TGM2: variants seen among roughly 807,000 people sequenced by gnomAD.
The protein encoded by TGM2 is protein-glutamine gamma-glutamyltransferase 2.
Under a neutral mutation model 75.6 loss-of-function variants are expected in TGM2, and 53 were observed. The ratio of observed to expected loss-of-function variants is 0.70; its 90% CI spans 0.56 to 0.88. The LOEUF (loss-of-function observed/expected upper bound fraction) is 0.88. Ranked by LOEUF, TGM2 falls within the 40% of genes least tolerant of loss-of-function variation. TGM2 has a pLI of 0.00. For missense variants in TGM2, 842 were observed against 928.5 expected (o/e 0.91, Z 1.21); for synonymous variants, 374 against 381.1 (o/e 0.98, Z 0.22).
intron 6 of TGM2, among the ~76,000 whole-genome samples, chr20:38,143,959 C>T (rs957385597): frequency 6.6e-6 from 1 of 152,166 alleles, no homozygotes; most frequent in African/African-American, 2.4e-5. Context: ...TATGACCTCC[C>T]CCTCTTGCCT....
intron 9 of TGM2, 63 bp from the exon 10 acceptor site, chr20:38,138,448 A>G (rs2074928649): frequency 6.2e-7 from 1 of 1,609,974 alleles, no homozygotes; most frequent in Admixed American, 1.7e-5. Flanking sequence ...GGGGGCTGCA[A>G]CAGGGCGAGC....
Position 38,131,171 on chromosome 20 carries a change from G to A in TGM2, c.1835C>T (p.Pro612Leu), listed in dbSNP as rs376514575. ...KLVAEVSLQNPLPVALEGCTF... is the reference protein window; with the variant it reads ...KLVAEVSLQNLLPVALEGCTF... ...GCAGCCTTCCAGGGCCACAGGGAGCGGGTTCTGCAGGGACACCTCAGCCAC... is the reference window on the plus strand; with the variant it reads ...GCAGCCTTCCAGGGCCACAGGGAGCAGGTTCTGCAGGGACACCTCAGCCAC... The change falls in exon 12 of 13, where the codon CCG (proline) becomes CTG (leucine). Residue 612 changes from proline to leucine, a missense_variant. Physicochemically the swap from Pro to Leu is moderately conservative, Grantham distance 98. Transcript: ENST00000361475. 10 of 1,613,724 alleles carry A rather than the reference G, an allele frequency of 6.2e-6. No homozygotes were observed. Among genetic ancestry groups the A allele is most frequent in the African/African-American group, 2.7e-5 (2 of 74,874 alleles).
chr20:38,151,143 C>G, intron 3 of TGM2, 86 bp from the exon 4 acceptor site: 1 of 949,546 alleles, frequency 1.1e-6, no homozygotes, highest in Non-Finnish European at 1.7e-6. Flanking sequence ...TGCCAATTCC[C>G]TAGGCCAAGC....
chr20:38,159,939 C>G (rs1423447130), intron 2 of TGM2, among the ~76,000 whole-genome samples: 1 of 152,210 alleles, frequency 6.6e-6, no homozygotes, highest in East Asian at 1.9e-4. Flanking sequence ...TGCCATGTAC[C>G]CTAACTTTTC....
chr20:38,132,737 A>G, intron 10 of TGM2: 1 of 639,482 alleles, frequency 1.6e-6, no homozygotes. Context: ...CCTTGGTTCT[A>G]ATCCTGCCTT....
Position 38,139,056 on chromosome 20 carries a change from C to T in TGM2, c.1342+356G>A, listed in dbSNP as rs541620715. 2.0e-5 allele frequency among the ~76,000 whole-genome samples: 3 copies of T among 152,264 alleles called. No individual in the cohort carries two copies. In the East Asian group the frequency reaches 5.8e-4, roughly 29 times the overall value. ...AGGCAGGAACTATGGTTTCTTAGTC[C>T]CCTCTGTATGCTTTGCTATGCTTAG... On this transcript the variant is annotated intron_variant, in intron 9 of 12. Coordinates refer to ENST00000361475, the MANE Select transcript of TGM2 (RefSeq NM_004613.4).
chr20:38,150,866 G>A (rs970078401), intron 4 of TGM2, 73 bp downstream of exon 4: 6 of 1,168,234 alleles, frequency 5.1e-6, no homozygotes, highest in Non-Finnish European at 7.8e-6. Context: ...TGCAGCTTTG[G>A]CTGCCCCCAG....
intron 3 of TGM2, among the ~76,000 whole-genome samples, chr20:38,152,882 CCA>C (rs1471582160): frequency 2.0e-5 from 3 of 152,252 alleles, no homozygotes; most frequent in African/African-American, 7.2e-5. Flanking sequence ...AGGAAGGGGG[CCA>C]TCCCCCAGAA....
chr20:38,130,258 A>G lies in TGM2; in HGVS notation c.2025T>C (p.Ala675=). 1.2e-6 allele frequency: 2 copies of G among 1,613,436 alleles called. No individual in the cohort carries two copies. The highest frequency in any genetic ancestry group is 1.7e-6 in the Non-Finnish European group (2 of 1,179,896). ...TGATGACATTCCGGAAGCCCTTCAC[A>G]GCCTTCAGCTTGTCGCTCTCGAAGT... is the stretch of plus-strand genomic sequence containing the variant. ...VVNFESDKLK[A]VKGFRNVIIG... The change falls in exon 13 of 13, where the codon GCT becomes GCC. Residue 675 remains alanine (A), a synonymous_variant. Coordinates refer to ENST00000361475, the MANE Select transcript of TGM2 (RefSeq NM_004613.4).
intron 10 of TGM2, among the ~76,000 whole-genome samples, chr20:38,135,692 G>T (rs555445905): frequency 2.0e-5 from 3 of 152,146 alleles, no homozygotes; most frequent in South Asian, 4.2e-4. Context: ...CTACACCACC[G>T]AGGTGTCAGG....
chr20:38,132,636 G>C (rs1255533561), intron 10 of TGM2, 136 bp from the exon 11 acceptor site: 2 of 1,212,258 alleles, frequency 1.6e-6, no homozygotes, highest in Middle Eastern at 1.9e-4. Flanking sequence ...GCGGATCCCT[G>C]AACTCCCCAC....
At chr20:38,140,232 C>T (rs45499097) in intron 8 of TGM2, among the ~76,000 whole-genome samples, 15,075 of 152,320 alleles carry the variant, frequency 0.099, 2,387 homozygotes, top group African/African-American at 0.33. Context: ...CCACACTGTC[C>T]GCAGACTTCC....
At chr20:38,157,023 G>A (rs1311830848) in intron 2 of TGM2, among the ~76,000 whole-genome samples, 1 of 152,250 alleles carries the variant, frequency 6.6e-6, no homozygotes, top group Non-Finnish European at 1.5e-5. Flanking sequence ...AGGCAGGTCT[G>A]AGTCATGGGC....
chr20:38,152,495 A>T (rs2075126087), intron 3 of TGM2, among the ~76,000 whole-genome samples: 1 of 152,222 alleles, frequency 6.6e-6, no homozygotes, highest in Non-Finnish European at 1.5e-5. Context: ...CAGTGTTTCA[A>T]CATTAGAATG....
Position 38,147,952 on chromosome 20 carries a change from C to T in TGM2, c.681+9G>A. ...CCCCGCCCCTGGATGGGCCATGCCACTCACTCACCATGCCACTCACCACCC... is the reference window on the plus strand; with the variant it reads ...CCCCGCCCCTGGATGGGCCATGCCATTCACTCACCATGCCACTCACCACCC... On this transcript the variant is annotated intron_variant, in intron 5 of 12. Transcript: ENST00000361475. The T allele has an allele frequency of 1.2e-6, 2 of 1,608,218 alleles. No homozygotes were observed. Among genetic ancestry groups the T allele is most frequent in the Non-Finnish European group, 1.7e-6 (2 of 1,178,136 alleles).
chr20:38,147,939 A>G, intron 5 of TGM2, 22 bp downstream of exon 5: 1 of 1,603,780 alleles, frequency 6.2e-7, no homozygotes. Flanking sequence ...CCGCCCCTGG[A>G]TGGGCCATGC....
chr20:38,137,615 A>G (rs1387594413), intron 10 of TGM2, among the ~76,000 whole-genome samples: 2 of 152,168 alleles, frequency 1.3e-5, no homozygotes, highest in African/African-American at 4.8e-5. Context: ...TGCAACAGGC[A>G]CTTTCCAAGG....
Position 38,130,103 on chromosome 20 carries a change from G to T in TGM2, c.*116C>A. 7.0e-7 allele frequency: 1 copy of T among 1,436,610 alleles called. No individual in the cohort carries two copies. 89.0% of individuals were successfully genotyped at this position (1,436,610 alleles called of 1,614,324 possible). A position where few individuals can be genotyped will look rare whatever the true frequency, so the allele number is the denominator to read the frequency against. Reference sequence around the variant, plus strand: ...ATTCCATTTCCGAGAGCCCCCATAGGCTGCCCACCCTGCCCTGGGGTCTGG... The same window carrying T: ...ATTCCATTTCCGAGAGCCCCCATAGTCTGCCCACCCTGCCCTGGGGTCTGG... On this transcript the variant is annotated 3_prime_UTR_variant, in exon 13 of 13. Transcript: ENST00000361475.
chr20:38,165,591 C>G (rs2075303444), upstream of TGM2, among the ~76,000 whole-genome samples: 1 of 151,934 alleles, frequency 6.6e-6, no homozygotes, highest in Admixed American at 6.6e-5. Context: ...TAGAAACACA[C>G]AACGGAACCG....
Sources: allele counts gnomAD v4.1 joint callset (sites outside exome capture counted in the v4.1 genomes callset), GRCh38; gene constraint gnomAD v4.1.1; transcripts MANE v1.5; gene names NCBI Gene and HGNC (gene_info 2026-07-23, HGNC 2026-07-21).